The following UBP1 variants were observed in gnomAD, a reference collection of about 807,000 sequenced individuals.
UBP1 encodes upstream binding protein 1, also known as upstream-binding protein 1.
Under a neutral mutation model 76.1 loss-of-function variants are expected in UBP1, and 22 were observed. The ratio of observed to expected loss-of-function variants is 0.29; its 90% CI spans 0.21 to 0.41. The LOEUF (loss-of-function observed/expected upper bound fraction) is 0.41, where lower values mean the gene tolerates loss of function less well. Among genes scored for constraint, UBP1 ranks in the 10% least tolerant of loss-of-function variants. The pLI, the probability that UBP1 is intolerant of heterozygous loss-of-function variation, is 1.00. For missense variants in UBP1, 436 were observed against 668.1 expected, an observed-to-expected ratio of 0.65 and a Z score of 3.83; for synonymous variants, 224 against 237.1, an observed-to-expected ratio of 0.94 and a Z score of 0.51.
chr3:33,426,039 A>ATATATATATATATATATATG (rs61119304), intron 1 of UBP1, among the ~76,000 whole-genome samples: 4 of 82,862 alleles, frequency 4.8e-5, no homozygotes, highest in East Asian at 2.0e-3. Context: ...ATATATATAT[A>ATATATATATATATATATATG]GCACTTTAAA....
chr3:33,436,693 G>A (rs755275852), intron 1 of UBP1, among the ~76,000 whole-genome samples: 8 of 152,102 alleles, frequency 5.3e-5, no homozygotes, highest in Non-Finnish European at 1.2e-4. Context: ...AAATTACCAG[G>A]TGGTCCAAAG....
chr3:33,392,700 C>T (rs947430763), intron 14 of UBP1, 86 bp from the exon 15 acceptor site: 2 of 1,291,798 alleles, frequency 1.5e-6, no homozygotes, highest in Non-Finnish European at 2.2e-6. Flanking sequence ...ATATTCTTCT[C>T]AAACAAACAC....
At position 33,439,963 on chromosome 3, in the gene UBP1, C is replaced by A; in HGVS notation, c.-115G>T. ...GCGGGTGAAGCCTCCGGAGGGGCGG[C>A]GAGTGGTCACCAGCGGCGGCCGGGA... On this transcript the variant is annotated 5_prime_UTR_variant, in exon 1 of 16. Transcript: ENST00000283629. The A allele has an allele frequency of 2.7e-6, 3 of 1,123,092 alleles. No individual in the cohort carries two copies. The highest frequency in any genetic ancestry group is 3.7e-6 in the Non-Finnish European group (3 of 803,188). The allele number at this position is 1,123,092 out of a possible 1,614,324, so 69.6% of individuals were successfully genotyped here.
At chr3:33,433,931 A>G (rs1240791847) in intron 1 of UBP1, among the ~76,000 whole-genome samples, 1 of 152,096 alleles carries the variant, frequency 6.6e-6, no homozygotes, top group African/African-American at 2.4e-5. Flanking sequence ...CTCTAAAAAT[A>G]ATAATAATAA....
At chr3:33,400,314 G>T in intron 10 of UBP1, 32 bp from the exon 11 acceptor site, 1 of 1,528,736 alleles carries the variant, frequency 6.5e-7, no homozygotes, top group South Asian at 1.2e-5. Flanking sequence ...ATAAATAAAA[G>T]GAACCATTCA....
At chr3:33,418,346 C>A (rs759815410) in intron 2 of UBP1, among the ~76,000 whole-genome samples, 3 of 152,150 alleles carry the variant, frequency 2.0e-5, no homozygotes, top group African/African-American at 4.8e-5. Flanking sequence ...CTCCACCTCC[C>A]AGGTTCAAGC....
At chr3:33,409,152 C>G in intron 7 of UBP1, 84 bp downstream of exon 7, 2 of 1,323,352 alleles carry the variant, frequency 1.5e-6, no homozygotes, top group East Asian at 4.6e-5. Context: ...CTTCCCCAAC[C>G]CTTTTGTAGC....
At chr3:33,436,785 A>C (rs543252529) in intron 1 of UBP1, among the ~76,000 whole-genome samples, 1 of 152,348 alleles carries the variant, frequency 6.6e-6, no homozygotes, top group Non-Finnish European at 1.5e-5. Flanking sequence ...AGAATGACCC[A>C]GATTTCAAGT....
At chr3:33,400,587 T>C (rs1350183641) in intron 10 of UBP1, among the ~76,000 whole-genome samples, 3 of 152,190 alleles carry the variant, frequency 2.0e-5, no homozygotes, top group South Asian at 2.1e-4. Flanking sequence ...GAAAGACTTA[T>C]ATTCTCACTT....
chr3:33,396,104 T>G, intron 13 of UBP1, 58 bp downstream of exon 13: 3 of 1,443,928 alleles, frequency 2.1e-6, no homozygotes, highest in Non-Finnish European at 2.8e-6. Context: ...ATCGAGTCCT[T>G]TCCGTTTCTG....
chr3:33,414,938 T>C (rs897616567), intron 3 of UBP1, among the ~76,000 whole-genome samples: 1 of 151,590 alleles, frequency 6.6e-6, no homozygotes, highest in Non-Finnish European at 1.5e-5. Context: ...ATTTATAAGT[T>C]AATGGTTTTG....
intron 1 of UBP1, among the ~76,000 whole-genome samples, chr3:33,427,369 T>A (rs564510780): frequency 6.6e-5 from 10 of 152,382 alleles, no homozygotes; most frequent in South Asian, 2.1e-4. Context: ...GTTTTTGAGA[T>A]AATTATCTGA....
chr3:33,429,097 C>A (rs1395031557), intron 1 of UBP1, among the ~76,000 whole-genome samples: 2 of 152,170 alleles, frequency 1.3e-5, no homozygotes, highest in Non-Finnish European at 2.9e-5. Flanking sequence ...ACTCCAAATA[C>A]GTGTTTCTTC....
chr3:33,399,232 G>A (rs2044127864), intron 11 of UBP1, among the ~76,000 whole-genome samples: 1 of 152,146 alleles, frequency 6.6e-6, no homozygotes, highest in Non-Finnish European at 1.5e-5. Context: ...TTACTAGGTG[G>A]TCATGTTGGA....
rs1395960937 is a variant in UBP1 at position 33,405,680 on chromosome 3, A to G, written c.928-2776T>C. 4.6e-5 allele frequency among the ~76,000 whole-genome samples: 7 copies of G among 152,084 alleles called. No homozygotes were observed. In the East Asian group the frequency reaches 1.4e-3, roughly 29 times the overall value. ...TGTCTCAAGTGTCTTGGATCACTTGAGCCAAGGAGTTTGAGGTTGCAGTGA... is the reference window on the plus strand; with the variant it reads ...TGTCTCAAGTGTCTTGGATCACTTGGGCCAAGGAGTTTGAGGTTGCAGTGA... On this transcript the variant is annotated intron_variant, in intron 8 of 15. Transcript: ENST00000283629.
At chr3:33,397,519 T>A (rs2044050904) in intron 11 of UBP1, 1 of 156,070 alleles carries the variant, frequency 6.4e-6, no homozygotes, top group African/African-American at 2.4e-5. Flanking sequence ...CCCGGGCCAG[T>A]CAATCTTTAA....
At chr3:33,436,100 C>T (rs189144473) in intron 1 of UBP1, among the ~76,000 whole-genome samples, 30 of 152,278 alleles carry the variant, frequency 2.0e-4, no homozygotes, top group African/African-American at 7.2e-4. Context: ...ATTCTGTTAC[C>T]TTACAGGATC....
intron 2 of UBP1, among the ~76,000 whole-genome samples, chr3:33,421,401 T>C (rs1309340613): frequency 1.3e-5 from 2 of 152,028 alleles, no homozygotes; most frequent in African/African-American, 4.8e-5. Context: ...GCCTCCCGAG[T>C]AGCTGGGACT....
chr3:33,400,788 A>G (rs1288658808), intron 10 of UBP1, among the ~76,000 whole-genome samples, 174 bp downstream of exon 10: 1 of 152,200 alleles, frequency 6.6e-6, no homozygotes, highest in Non-Finnish European at 1.5e-5. Flanking sequence ...GACTATACCT[A>G]AAAAAATGTA....
Sources: gnomAD v4.1 joint callset for allele counts (sites outside exome capture counted in the v4.1 genomes callset) on GRCh38, gnomAD v4.1.1 for gene constraint, MANE v1.5 for transcripts, NCBI Gene and HGNC (gene_info 2026-07-23, HGNC 2026-07-21) for gene names.